Variants in CMKLR1 observed in about 807,000 individuals in gnomAD.
CMKLR1 encodes the protein chemerin-like receptor 1.
Under a neutral mutation model 8.2 loss-of-function variants are expected in CMKLR1, and 6 were observed. The ratio of observed to expected loss-of-function variants is 0.73; its 90% CI spans 0.40 to 1.44. The LOEUF (loss-of-function observed/expected upper bound fraction) is 1.44, where lower values mean the gene tolerates loss of function less well. CMKLR1 is among the 40% of genes most tolerant of loss of function. CMKLR1 has a pLI of 0.02. For synonymous variants in CMKLR1, 178 were observed against 181.2 expected (o/e 0.98, Z 0.14); for missense variants, 429 against 478.0 (o/e 0.90, Z 0.96).
chr12:108,326,095 T>G (rs1219045900), intron 2 of CMKLR1, among the ~76,000 whole-genome samples: 2 of 152,214 alleles, frequency 1.3e-5, no homozygotes, highest in Non-Finnish European at 2.9e-5. Flanking sequence ...CTTTGTCATT[T>G]TTTTTAAGAT....
intron 1 of CMKLR1, among the ~76,000 whole-genome samples, chr12:108,336,890 C>T (rs1462747036): frequency 1.3e-5 from 2 of 152,128 alleles, no homozygotes; most frequent in Admixed American, 6.5e-5. Flanking sequence ...TACAGCTTTA[C>T]TTGTATGATC....
Position 108,293,864 on chromosome 12 carries a change from T to C in CMKLR1, c.-73-200A>G, listed in dbSNP as rs1014162119. ...TGGAGCCCCTTGAACCTAGGTCAAC[T>C]GACTCTTCCCAGGTCAAGTGCTGGA... On this transcript the variant is annotated intron_variant, in intron 2 of 3. Coordinates refer to ENST00000550402, the MANE Select transcript of CMKLR1 (RefSeq NM_001142343.2). Among the ~76,000 whole-genome samples the C allele has an allele frequency of 7.2e-5, 11 of 152,182 alleles. No individual in the cohort carries two copies. The East Asian group carries it at 2.1e-3, about 29-fold the overall frequency.
At chr12:108,311,098 A>G (rs1891553191) in intron 2 of CMKLR1, among the ~76,000 whole-genome samples, 1 of 152,204 alleles carries the variant, frequency 6.6e-6, no homozygotes, top group African/African-American at 2.4e-5. Flanking sequence ...CAATTCCACC[A>G]TCAGGGTCCT....
At chr12:108,322,827 T>C (rs1891893067) in intron 2 of CMKLR1, among the ~76,000 whole-genome samples, 1 of 152,260 alleles carries the variant, frequency 6.6e-6, no homozygotes, top group South Asian at 2.1e-4. Context: ...TCTTAGTAAA[T>C]TACTCAACCT....
intron 2 of CMKLR1, among the ~76,000 whole-genome samples, chr12:108,303,220 T>G (rs1891324076): frequency 1.3e-5 from 2 of 152,196 alleles, no homozygotes. Context: ...CAAAGAGTCC[T>G]GGGCCCTAGT....
At chr12:108,320,516 A>G (rs1232470689) in intron 2 of CMKLR1, 1 of 152,176 alleles carries the variant, frequency 6.6e-6, no homozygotes, top group African/African-American at 2.4e-5. Flanking sequence ...GTGCCAGTCC[A>G]CCTCCTAAGC....
At chr12:108,330,893 T>C (rs1348963425) in intron 1 of CMKLR1, among the ~76,000 whole-genome samples, 1 of 152,118 alleles carries the variant, frequency 6.6e-6, no homozygotes, top group African/African-American at 2.4e-5. Flanking sequence ...AGCCAACACA[T>C]ATCCCAAGAG....
Position 108,337,160 on chromosome 12 carries a change from C to T in CMKLR1, c.-287+1867G>A, listed in dbSNP as rs150451765. Reference sequence around the variant, plus strand: ...GTGCCCCTTCTTGCACAATGTTCTACTCCCTTTTGTGGGGAGGTCTAGCAT... The same window carrying T: ...GTGCCCCTTCTTGCACAATGTTCTATTCCCTTTTGTGGGGAGGTCTAGCAT... On this transcript the variant is annotated intron_variant, in intron 1 of 3. Coordinates refer to ENST00000550402, the MANE Select transcript of CMKLR1 (RefSeq NM_001142343.2). 2.8e-3 allele frequency among the ~76,000 whole-genome samples: 429 copies of T among 152,336 alleles called. 3 individuals are homozygous for T. Among genetic ancestry groups the T allele is most frequent in the African/African-American group, 9.8e-3 (407 of 41,568 alleles).
chr12:108,300,987 G>A lies in CMKLR1; in HGVS notation c.-73-7323C>T, dbSNP rs557576583. Among the ~76,000 whole-genome samples the A allele has an allele frequency of 1.2e-3, 183 of 151,672 alleles. 2 individuals carry two copies. The highest frequency in any genetic ancestry group is 8.7e-4 in the Non-Finnish European group (59 of 67,946). ...GGGTGAAAAAAGCCCTACAAAGCAC[G>A]TTCCATCACTGTAGAGCAGAAAGTC... is the stretch of plus-strand genomic sequence containing the variant. On this transcript the variant is annotated intron_variant, in intron 2 of 3. Coordinates refer to ENST00000550402, the MANE Select transcript of CMKLR1 (RefSeq NM_001142343.2).
At chr12:108,303,223 G>GC (rs1891324142) in intron 2 of CMKLR1, among the ~76,000 whole-genome samples, 1 of 152,176 alleles carries the variant, frequency 6.6e-6, no homozygotes, top group South Asian at 2.1e-4. Flanking sequence ...AGAGTCCTGG[G>GC]CCCTAGTCCT....
At chr12:108,294,160 G>A (rs937671633) in intron 2 of CMKLR1, among the ~76,000 whole-genome samples, 6 of 152,226 alleles carry the variant, frequency 3.9e-5, no homozygotes, top group African/African-American at 9.6e-5. Flanking sequence ...GACTTTTCCA[G>A]GCAGGTGTTA....
chr12:108,315,193 G>A (rs1891690858), intron 2 of CMKLR1, among the ~76,000 whole-genome samples: 1 of 152,090 alleles, frequency 6.6e-6, no homozygotes, highest in African/African-American at 2.4e-5. Flanking sequence ...AAAGTGCTGG[G>A]ATTACAGGTG....
chr12:108,291,804 G>T lies in CMKLR1; in HGVS notation c.*37C>A. ...GAAGACATATCCTTGGGTGTCCCTG[G>T]GTTGAGAGAGTCCATTGAGGGGTTC... On this transcript the variant is annotated 3_prime_UTR_variant, in exon 4 of 4. Transcript: ENST00000550402. 6.3e-7 allele frequency: 1 copy of T among 1,578,868 alleles called. No individual in the cohort carries two copies. The highest frequency in any genetic ancestry group is 8.6e-7 in the Non-Finnish European group (1 of 1,163,174).
At chr12:108,295,233 A>G (rs3782518) in intron 2 of CMKLR1, among the ~76,000 whole-genome samples, 80,629 of 152,108 alleles carry the variant, frequency 0.53, 22,229 homozygotes, top group African/African-American at 0.69. Flanking sequence ...TTAACCCCAT[A>G]AGGGGCTACA....
chr12:108,323,358 A>G (rs1223161929), intron 2 of CMKLR1, among the ~76,000 whole-genome samples: 1 of 151,712 alleles, frequency 6.6e-6, no homozygotes, highest in African/African-American at 2.4e-5. Context: ...TTATTTATTT[A>G]TTTATTTATT....
chr12:108,307,795 G>A (rs908309109), intron 2 of CMKLR1, among the ~76,000 whole-genome samples: 1 of 152,212 alleles, frequency 6.6e-6, no homozygotes, highest in Admixed American at 6.5e-5. Flanking sequence ...CACCTAACAA[G>A]GAGGTGGTCC....
rs59925321 is a variant in CMKLR1 at position 108,293,672 on chromosome 12, GAA to G, written c.-73-10_-73-9del. 54,334 of 868,924 alleles carry G rather than the reference GAA, an allele frequency of 0.063. 8 individuals carry two copies. Among genetic ancestry groups the G allele is most frequent in the Middle Eastern group, 0.093 (377 of 4,040 alleles). 53.8% of individuals were successfully genotyped at this position (868,924 alleles called of 1,614,324 possible). Reference sequence around the variant, plus strand: ...GTACACAGCTAGAAACACCTGTAGGGAAAAAAAAAAAAAAAAAAGCAGCAATT... The same window carrying G: ...GTACACAGCTAGAAACACCTGTAGGGAAAAAAAAAAAAAAAAGCAGCAATT... On this transcript the variant is annotated splice_polypyrimidine_tract_variant and intron_variant, in intron 2 of 3. Coordinates refer to ENST00000550402, the MANE Select transcript of CMKLR1 (RefSeq NM_001142343.2).
intron 1 of CMKLR1, among the ~76,000 whole-genome samples, chr12:108,330,526 C>A (rs1451391792): frequency 6.6e-6 from 1 of 152,198 alleles, no homozygotes; most frequent in Non-Finnish European, 1.5e-5. Context: ...GGGGTGTGGA[C>A]TTCCATCCCT....
chr12:108,330,785 G>C (rs1053663159), intron 1 of CMKLR1, among the ~76,000 whole-genome samples: 2 of 152,186 alleles, frequency 1.3e-5, no homozygotes, highest in Non-Finnish European at 2.9e-5. Context: ...AGCAGAAGGA[G>C]GTAGACATAG....
Sources: gnomAD v4.1 joint callset for allele counts (sites outside exome capture counted in the v4.1 genomes callset) on GRCh38, gnomAD v4.1.1 for gene constraint, MANE v1.5 for transcripts, NCBI Gene and HGNC (gene_info 2026-07-23, HGNC 2026-07-21) for gene names.